ATP13A4: variants seen among roughly 807,000 people sequenced by gnomAD.
ATP13A4 encodes the protein probable cation-transporting ATPase 13A4.
In ATP13A4, 114 loss-of-function variants were observed where a neutral mutation model predicts 142.5. That is an observed-to-expected ratio of 0.80 (90% CI 0.69 to 0.93). The LOEUF (loss-of-function observed/expected upper bound fraction) is 0.93, where lower values mean the gene tolerates loss of function less well. ATP13A4 is among the 40% of genes least tolerant of loss of function. The probability of loss-of-function intolerance (pLI) is 0.00; values close to 1 mark genes in which losing one functional copy is unlikely to be tolerated. For synonymous variants in ATP13A4, 488 were observed against 514.8 expected, an observed-to-expected ratio of 0.95 and a Z score of 0.70; for missense variants, 1,392 against 1,454.0, an observed-to-expected ratio of 0.96 and a Z score of 0.69.
intron 25 of ATP13A4, among the ~76,000 whole-genome samples, chr3:193,428,326 C>G (rs982764881): frequency 6.6e-6 from 1 of 151,980 alleles, no homozygotes; most frequent in Non-Finnish European, 1.5e-5. Context: ...AACAGGAACA[C>G]TTTTACACTG....
At chr3:193,537,205 A>G (rs1247200544) in intron 1 of ATP13A4, among the ~76,000 whole-genome samples, 1 of 152,166 alleles carries the variant, frequency 6.6e-6, no homozygotes, top group Non-Finnish European at 1.5e-5. Context: ...TTCAATACTT[A>G]TCATATAACT....
intron 8 of ATP13A4, among the ~76,000 whole-genome samples, chr3:193,474,322 CAAAAA>C (rs1176133187): frequency 2.9e-5 from 2 of 69,090 alleles, no homozygotes; most frequent in African/African-American, 5.1e-5. Flanking sequence ...GACTCCGTCT[CAAAAA>C]AAAAAAAAAA....
upstream of ATP13A4, among the ~76,000 whole-genome samples, chr3:193,557,038 T>A (rs1723916647): frequency 6.6e-6 from 1 of 152,224 alleles, no homozygotes; most frequent in Non-Finnish European, 1.5e-5. Flanking sequence ...GGTTCCTGAA[T>A]GCACTTGGCA....
chr3:193,459,173 C>T lies in ATP13A4; in HGVS notation c.1582G>A (p.Ala528Thr), dbSNP rs1017165234. Residue 528 changes from alanine to threonine, a missense_variant, in exon 14 of 30, where the codon GCA (alanine) becomes ACA (threonine). Transcript: ENST00000342695. ...AGAGAGTGGCAGCTGGCCATCGCTG[C>T]ACACAGTGGGCCCCATGGCAAAGCC... ...GQALPWGPLCAAMASCHSLIL... is the reference protein window; with the variant it reads ...GQALPWGPLCTAMASCHSLIL... The T allele has an allele frequency of 6.2e-7, 1 of 1,614,112 alleles. No individual in the cohort carries two copies. The highest frequency in any genetic ancestry group is 1.3e-5 in the African/African-American group (1 of 74,948).
At chr3:193,497,227 A>C (rs1196115176) in intron 3 of ATP13A4, among the ~76,000 whole-genome samples, 1 of 152,238 alleles carries the variant, frequency 6.6e-6, no homozygotes, top group Non-Finnish European at 1.5e-5. Context: ...CAAGAGCAAC[A>C]AAACAACTAT....
chr3:193,425,917 T>C (rs1310981304), intron 25 of ATP13A4, among the ~76,000 whole-genome samples: 1 of 151,834 alleles, frequency 6.6e-6, no homozygotes, highest in Non-Finnish European at 1.5e-5. Context: ...GTGATAAATA[T>C]GCTAATTACC....
rs1724039153 is a variant in ATP13A4 at position 193,562,559 on chromosome 3, A to G, written n.291+19148T>C. ...GCCTCCCAGGCCCTAGATACAGTGAAACCAATTTCAAATATAGAATCATAC... is the reference window on the plus strand; with the variant it reads ...GCCTCCCAGGCCCTAGATACAGTGAGACCAATTTCAAATATAGAATCATAC... On this transcript the variant is annotated intron_variant and non_coding_transcript_variant, in intron 2 of 3. Transcript: ENST00000489140. Among the ~76,000 whole-genome samples the G allele has an allele frequency of 1.3e-5, 2 of 152,162 alleles. 1 individual carries two copies. The highest frequency in any genetic ancestry group is 4.8e-5 in the African/African-American group (2 of 41,434).
chr3:193,466,017 CA>C lies in ATP13A4; in HGVS notation c.1272+7del, dbSNP rs1343534566. 1 of 1,613,618 alleles carries C rather than the reference CA, an allele frequency of 6.2e-7. No individual in the cohort carries two copies. Among genetic ancestry groups the C allele is most frequent in the South Asian group, 1.1e-5 (1 of 91,070 alleles). ...TGTGCATTTAATAAAAGAGCAAAGA[CA>C]GCTTACCCCACTAAGCACATAGACA... On this transcript the variant is annotated splice_region_variant and intron_variant, in intron 11 of 29. Transcript: ENST00000342695.
At chr3:193,534,030 A>G (rs1422768332) in intron 1 of ATP13A4, among the ~76,000 whole-genome samples, 3 of 152,178 alleles carry the variant, frequency 2.0e-5, no homozygotes, top group African/African-American at 7.2e-5. Flanking sequence ...AGTGGAAACC[A>G]TCTGGGGAAC....
At chr3:193,433,305 C>T (rs529777435) in intron 25 of ATP13A4, among the ~76,000 whole-genome samples, 1 of 152,134 alleles carries the variant, frequency 6.6e-6, no homozygotes, top group East Asian at 1.9e-4. Context: ...TTGTTGTGAA[C>T]CTAAGACAGC....
At chr3:193,487,105 G>C (rs1375918150) in intron 7 of ATP13A4, among the ~76,000 whole-genome samples, 2 of 152,140 alleles carry the variant, frequency 1.3e-5, no homozygotes, top group African/African-American at 4.8e-5. Context: ...GCTATCAAAA[G>C]AGAACGGAAA....
rs1560163716 is a variant in ATP13A4, at chr3:193,399,866, A to AC, written c.*2785_*2786insG. Among the ~76,000 whole-genome samples the AC allele has an allele frequency of 1.3e-5, 2 of 149,778 alleles. No homozygotes were observed. Among genetic ancestry groups the AC allele is most frequent in the Non-Finnish European group, 3.0e-5 (2 of 67,594 alleles). ...ATCTCAAAAAAAAAAAAAAAAAAAA[A>AC]AGGTTCACATCACAGCATAAGACTG... On this transcript the variant is annotated 3_prime_UTR_variant, in exon 30 of 30. Coordinates refer to ENST00000342695, the MANE Select transcript of ATP13A4 (RefSeq NM_032279.4).
chr3:193,567,230 G>A (rs1047310185), intron 2 of ATP13A4, among the ~76,000 whole-genome samples: 12 of 152,102 alleles, frequency 7.9e-5, no homozygotes, highest in African/African-American at 2.7e-4. Flanking sequence ...AAATGAGCCT[G>A]ATATTATCCA....
At chr3:193,441,682 A>G (rs544764440) in intron 19 of ATP13A4, 94 bp from the exon 20 acceptor site, 1 of 1,446,608 alleles carries the variant, frequency 6.9e-7, no homozygotes, top group South Asian at 1.2e-5. Flanking sequence ...AAGACAGACC[A>G]GGATCTATCT....
rs771030873 is a variant in ATP13A4 at position 193,442,462 on chromosome 3, G to A, written c.2247C>T (p.Thr749=). 1.6e-5 allele frequency: 26 copies of A among 1,613,814 alleles called. No homozygotes were observed. The highest frequency in any genetic ancestry group is 6.7e-5 in the Admixed American group (4 of 60,004). ...AAGATATAGATGCTGATGAGGACCC[G>A]GTGGTTTCATTTGCCTCAATGAGAA... ...KVILIEANET[T]GSSSASISWT... is the part of the protein sequence containing the mutation. Residue 749 remains threonine, a synonymous_variant, in exon 19 of 30, where the codon ACC becomes ACT. Transcript: ENST00000342695.
At chr3:193,413,871 C>T (rs1334123059) in intron 26 of ATP13A4, among the ~76,000 whole-genome samples, 1 of 152,094 alleles carries the variant, frequency 6.6e-6, no homozygotes, top group Non-Finnish European at 1.5e-5. Context: ...GTGATCTTTG[C>T]TTTGCCCTTT....
intron 9 of ATP13A4, among the ~76,000 whole-genome samples, chr3:193,470,570 T>C (rs1250717415): frequency 6.6e-6 from 1 of 152,232 alleles, no homozygotes; most frequent in Non-Finnish European, 1.5e-5. Context: ...TACAATCTTT[T>C]AAGGTAAATG....
chr3:193,507,067 T>C (rs2108679894), intron 2 of ATP13A4, among the ~76,000 whole-genome samples: 1 of 152,284 alleles, frequency 6.6e-6, no homozygotes, highest in Non-Finnish European at 1.5e-5. Flanking sequence ...GTGACCTCTC[T>C]TGTATAGTTC....
At chr3:193,447,282 C>A (rs1184136701) in intron 18 of ATP13A4, among the ~76,000 whole-genome samples, 1 of 152,080 alleles carries the variant, frequency 6.6e-6, no homozygotes, top group South Asian at 2.1e-4. Flanking sequence ...AAAAGTTGGA[C>A]TGGGGTGTTA....
Sources: gnomAD v4.1 joint callset for allele counts (sites outside exome capture counted in the v4.1 genomes callset) on GRCh38, gnomAD v4.1.1 for gene constraint, MANE v1.5 for transcripts, NCBI Gene and HGNC (gene_info 2026-07-23, HGNC 2026-07-21) for gene names.